DENND2B: variants seen among roughly 807,000 people sequenced by gnomAD.
The protein encoded by DENND2B is DENN domain-containing protein 2B.
DENND2B carries 32 observed loss-of-function variants against 116.0 expected under a neutral mutation model. The ratio of observed to expected loss-of-function variants is 0.28; its 90% CI spans 0.21 to 0.37. The LOEUF (loss-of-function observed/expected upper bound fraction) is 0.37, where lower values mean the gene tolerates loss of function less well. DENND2B is among the 10% of genes least tolerant of loss of function. The pLI is 1.00. For synonymous variants in DENND2B, 588 were observed against 583.9 expected, an observed-to-expected ratio of 1.01 and a Z score of -0.10; for missense variants, 1,276 against 1,477.7, an observed-to-expected ratio of 0.86 and a Z score of 2.24.
Position 8,714,721 on chromosome 11 carries a change from C to G in DENND2B, c.1846-15G>C. On this transcript the variant is annotated splice_polypyrimidine_tract_variant and intron_variant, in intron 6 of 19. Coordinates refer to ENST00000313726, the MANE Select transcript of DENND2B (RefSeq NM_213618.2). ...CTTTGGACAAGCTGGGTGAGAAAAG[C>G]AGGATGGGTGAGGTAACCTTAACAC... 6.2e-7 allele frequency: 1 copy of G among 1,611,832 alleles called. No individual in the cohort carries two copies. Among genetic ancestry groups the G allele is most frequent in the East Asian group, 2.2e-5 (1 of 44,864 alleles).
intron 1 of DENND2B, among the ~76,000 whole-genome samples, chr11:8,885,795 T>G (rs1594340072): frequency 6.6e-6 from 1 of 152,296 alleles, no homozygotes; most frequent in Non-Finnish European, 1.5e-5. Context: ...GGTGGGTTCT[T>G]TTTCATAGTA....
At chr11:8,883,208 C>A (rs1053927804) in intron 1 of DENND2B, among the ~76,000 whole-genome samples, 4 of 151,890 alleles carry the variant, frequency 2.6e-5, no homozygotes, top group Non-Finnish European at 5.9e-5. Flanking sequence ...ACAAATAAAA[C>A]CAAAGAAAAG....
At chr11:8,699,939 A>G (rs1467008497) in intron 14 of DENND2B, 1 of 456,334 alleles carries the variant, frequency 2.2e-6, no homozygotes, top group Non-Finnish European at 4.4e-6. Flanking sequence ...CAGAACTTGA[A>G]TACCCGGCCA....
chr11:8,816,804 G>T (rs981636649), intron 4 of DENND2B, among the ~76,000 whole-genome samples: 1 of 152,130 alleles, frequency 6.6e-6, no homozygotes. Context: ...CTCCCTTAGG[G>T]GCCTTTGCTT....
rs547630120 is a variant in DENND2B, at chr11:8,889,330, G to A, written c.-255-8221C>T. On this transcript the variant is annotated intron_variant, in intron 1 of 22. Transcript: ENST00000534127. ...TCCCAGCATGAGGGACACAGAAGAC[G>A]GGTGATTTCTGCATTTCCAACTGAG... Among the ~76,000 whole-genome samples the A allele has an allele frequency of 5.9e-5, 9 of 152,352 alleles. No individual in the cohort carries two copies. The East Asian group carries it at 7.7e-4, about 13-fold the overall frequency.
chr11:8,790,291 A>T (rs542177543), intron 1 of DENND2B, among the ~76,000 whole-genome samples: 1 of 152,320 alleles, frequency 6.6e-6, no homozygotes, highest in East Asian at 1.9e-4. Flanking sequence ...CCTCCCAGTG[A>T]AACATCTAGG....
chr11:8,814,567 T>A (rs2061505109), upstream of DENND2B, among the ~76,000 whole-genome samples: 1 of 152,208 alleles, frequency 6.6e-6, no homozygotes, highest in Admixed American at 6.5e-5. Flanking sequence ...TTGCCTCACC[T>A]TGACTCTCCT....
At chr11:8,824,853 A>AT (rs371924172) in intron 4 of DENND2B, among the ~76,000 whole-genome samples, 89,144 of 130,172 alleles carry the variant, frequency 0.68, 31,053 homozygotes, top group East Asian at 0.94. Flanking sequence ...ACACCCAGCT[A>AT]TTTTTTTTTT....
At chr11:8,811,523 G>C (rs2061372733), upstream of DENND2B, 1 of 388,380 alleles carries the variant, frequency 2.6e-6, no homozygotes, top group African/African-American at 2.1e-5. Flanking sequence ...GCTCCTGTCA[G>C]AAAATGAGCA....
intron 2 of DENND2B, among the ~76,000 whole-genome samples, chr11:8,866,517 C>A (rs764503339): frequency 2.0e-5 from 3 of 152,136 alleles, no homozygotes; most frequent in African/African-American, 4.8e-5. Context: ...ATGAGCTTTG[C>A]CATTCTCTGG....
chr11:8,730,002 C>T lies in DENND2B; in HGVS notation c.1288G>A (p.Val430Ile), dbSNP rs757125041. Reference sequence around the variant, plus strand: ...ATGTCCTTCTTGGGTCTCCGGGTGACTGGCGGGGCTGGGGTGGAGGGCAAG... The same window carrying T: ...ATGTCCTTCTTGGGTCTCCGGGTGATTGGCGGGGCTGGGGTGGAGGGCAAG... Reference protein sequence around the residue: ...PPLPSTPAPPVTRRPKKDMRG... With the variant: ...PPLPSTPAPPITRRPKKDMRG... The change falls in exon 3 of 20, where the codon GTC becomes ATC. Residue 430 changes from valine to isoleucine, a missense_variant. Transcript: ENST00000313726. The surrounding 1 kb of genome is among the most constrained non-coding windows in gnomAD (Gnocchi z 4.1). The T allele has an allele frequency of 1.2e-6, 2 of 1,614,134 alleles. No individual in the cohort carries two copies. Among genetic ancestry groups the T allele is most frequent in the Non-Finnish European group, 1.7e-6 (2 of 1,180,012 alleles).
intron 2 of DENND2B, among the ~76,000 whole-genome samples, chr11:8,878,009 T>C (rs749705320): frequency 3.3e-5 from 5 of 152,208 alleles, no homozygotes; most frequent in Non-Finnish European, 7.3e-5. Flanking sequence ...AGATTCTTAC[T>C]AGAATTTAGA....
At chr11:8,812,504 T>C (rs2061426722), upstream of DENND2B, among the ~76,000 whole-genome samples, 1 of 152,184 alleles carries the variant, frequency 6.6e-6, no homozygotes, top group Admixed American at 6.5e-5. Flanking sequence ...TTTTTAATTC[T>C]ACAACAGAAG....
intron 1 of DENND2B, among the ~76,000 whole-genome samples, chr11:8,799,860 T>C (rs1016523883): frequency 1.3e-5 from 2 of 151,554 alleles, no homozygotes; most frequent in Non-Finnish European, 2.9e-5. Context: ...CTAAGGTCTT[T>C]GCAAATGAGT....
intron 1 of DENND2B, among the ~76,000 whole-genome samples, chr11:8,801,606 G>C (rs1217502631): frequency 6.6e-6 from 1 of 151,650 alleles, no homozygotes; most frequent in Non-Finnish European, 1.5e-5. Flanking sequence ...GAATCCGGAA[G>C]GTAGAGGTTG....
At chr11:8,861,055 A>C (rs1410788531) in intron 2 of DENND2B, among the ~76,000 whole-genome samples, 1 of 152,194 alleles carries the variant, frequency 6.6e-6, no homozygotes, top group Non-Finnish European at 1.5e-5. Flanking sequence ...TCAAAGATTT[A>C]GATCTAAGAC....
chr11:8,800,946 G>A (rs1434582623), intron 1 of DENND2B, among the ~76,000 whole-genome samples: 3 of 151,850 alleles, frequency 2.0e-5, no homozygotes, highest in Non-Finnish European at 4.4e-5. Flanking sequence ...CTGGGGCTGG[G>A]ATCAGGCTAT....
intron 2 of DENND2B, among the ~76,000 whole-genome samples, chr11:8,866,540 A>G (rs929955219): frequency 6.6e-6 from 1 of 152,218 alleles, no homozygotes; most frequent in Non-Finnish European, 1.5e-5. Flanking sequence ...GAATGACCAC[A>G]TAACCTATAA....
intron 4 of DENND2B, among the ~76,000 whole-genome samples, chr11:8,837,242 T>C (rs944048510): frequency 6.5e-5 from 5 of 77,222 alleles, no homozygotes; most frequent in Admixed American, 1.3e-4. Context: ...GTAAGTGTAT[T>C]TGGGGAGGAG....
Sources: allele counts gnomAD v4.1 joint callset (sites outside exome capture counted in the v4.1 genomes callset), GRCh38; gene constraint gnomAD v4.1.1; non-coding constraint Gnocchi (gnomAD v3.1); transcripts MANE v1.5; gene names NCBI Gene and HGNC (gene_info 2026-07-23, HGNC 2026-07-21).